The following PSMD14 variants were observed in gnomAD, a reference collection of about 807,000 sequenced individuals.
PSMD14 encodes ubiquitin C-terminal hydrolase PSMD14.
Under a neutral mutation model 41.2 loss-of-function variants are expected in PSMD14, and 7 were observed. That is an observed-to-expected ratio of 0.17 (90% CI 0.10 to 0.32). PSMD14 has a LOEUF of 0.32. Ranked by LOEUF, PSMD14 falls within the 10% of genes least tolerant of loss-of-function variation. The pLI, the probability that PSMD14 is intolerant of heterozygous loss-of-function variation, is 1.00. For synonymous variants in PSMD14, 114 were observed against 122.3 expected, an observed-to-expected ratio of 0.93 and a Z score of 0.45; for missense variants, 139 against 375.6, an observed-to-expected ratio of 0.37 and a Z score of 5.21.
At chr2:161,375,304 A>G (rs1683488646) in intron 7 of PSMD14, among the ~76,000 whole-genome samples, 1 of 152,080 alleles carries the variant, frequency 6.6e-6, no homozygotes, top group Non-Finnish European at 1.5e-5. Flanking sequence ...GCATACTGAT[A>G]CAAAATATAC....
chr2:161,393,630 C>G (rs970248466), intron 9 of PSMD14, among the ~76,000 whole-genome samples: 1 of 152,162 alleles, frequency 6.6e-6, no homozygotes, highest in Non-Finnish European at 1.5e-5. Context: ...TCTTCAGATT[C>G]TTATGGCTCA....
At chr2:161,376,176 G>T (rs896993515) in intron 7 of PSMD14, among the ~76,000 whole-genome samples, 15 of 150,334 alleles carry the variant, frequency 1.0e-4, no homozygotes, top group Admixed American at 3.3e-4. Flanking sequence ...CAGACTTAGG[G>T]GTCAGGCCTG....
At chr2:161,408,019 A>C (rs1235452857) in intron 10 of PSMD14, 1 of 152,102 alleles carries the variant, frequency 6.6e-6, no homozygotes, top group East Asian at 1.9e-4. Flanking sequence ...AGTGGTAGCC[A>C]ATCTAAATGT....
intron 3 of PSMD14, among the ~76,000 whole-genome samples, chr2:161,351,908 A>G (rs1404837857): frequency 2.0e-5 from 3 of 152,208 alleles, no homozygotes; most frequent in Non-Finnish European, 2.9e-5. Context: ...AGGGAAGTGC[A>G]GTCGTACTAT....
rs887435267 is a variant in PSMD14, at chr2:161,308,508, G to T, written c.-234G>T. ...GCCGGTTTGCAGACAGAGCCGCGTC[G>T]GGTGTGCGCCGCTGCTGCTGTTGCC... is the stretch of plus-strand genomic sequence containing the variant. On this transcript the variant is annotated 5_prime_UTR_variant, in exon 1 of 12. Coordinates refer to ENST00000409682, the MANE Select transcript of PSMD14 (RefSeq NM_005805.6). 1 of 152,436 alleles carries T rather than the reference G, an allele frequency of 6.6e-6. No individual in the cohort carries two copies. The highest frequency in any genetic ancestry group is 3.4e-3 in the Middle Eastern group (1 of 298). 9.4% of individuals were successfully genotyped at this position (152,436 alleles called of 1,614,324 possible). A position where few individuals can be genotyped will look rare whatever the true frequency, so the allele number is the denominator to read the frequency against.
rs577501014 is a variant in PSMD14 at position 161,383,555 on chromosome 2, T to G, written c.463-1909T>G. The G allele has an allele frequency of 4.0e-5, 6 of 151,738 alleles. No homozygotes were observed. In the East Asian group the frequency reaches 1.2e-3, roughly 29 times the overall value. 9.4% of individuals were successfully genotyped at this position (151,738 alleles called of 1,614,324 possible). Reference sequence around the variant, plus strand: ...AATATTTCAGAGAAATAATATAGACTTCTACAAGTAAAATAGCTGTCTGCT... The same window carrying G: ...AATATTTCAGAGAAATAATATAGACGTCTACAAGTAAAATAGCTGTCTGCT... On this transcript the variant is annotated intron_variant, in intron 7 of 11. Coordinates refer to ENST00000409682, the MANE Select transcript of PSMD14 (RefSeq NM_005805.6).
chr2:161,335,489 G>T (rs1367548112), intron 3 of PSMD14, among the ~76,000 whole-genome samples: 5 of 152,210 alleles, frequency 3.3e-5, no homozygotes, highest in Admixed American at 6.5e-5. Context: ...ATTGGACAGT[G>T]CAGTGTACAC....
intron 8 of PSMD14, among the ~76,000 whole-genome samples, 170 bp downstream of exon 8, chr2:161,385,741 A>T (rs1683626992): frequency 6.6e-6 from 1 of 151,768 alleles, no homozygotes. Flanking sequence ...ATTTGCTCAT[A>T]TGTGAGTCAG....
At chr2:161,317,484 C>T (rs775418766) in intron 2 of PSMD14, among the ~76,000 whole-genome samples, 17 of 152,222 alleles carry the variant, frequency 1.1e-4, no homozygotes, top group Admixed American at 3.9e-4. Flanking sequence ...GGAAGCGGGG[C>T]TTGGGTGGCG....
At chr2:161,309,720 T>C (rs1285122154) in intron 1 of PSMD14, among the ~76,000 whole-genome samples, 1 of 152,238 alleles carries the variant, frequency 6.6e-6, no homozygotes, top group Admixed American at 6.5e-5. Context: ...CTAAATGTTG[T>C]CTTGAATTTG....
At chr2:161,367,700 A>G in intron 4 of PSMD14, 84 bp from the exon 5 acceptor site, 2 of 1,517,786 alleles carry the variant, frequency 1.3e-6, no homozygotes, top group Non-Finnish European at 1.8e-6. Flanking sequence ...TTTCACTGGA[A>G]CAAAATTTGG....
chr2:161,353,978 A>C (rs1322724426), intron 3 of PSMD14, among the ~76,000 whole-genome samples: 2 of 152,068 alleles, frequency 1.3e-5, no homozygotes, highest in African/African-American at 4.8e-5. Context: ...TTATTTTTAC[A>C]TGTTTTGTGA....
chr2:161,326,755 A>G (rs929702454), intron 3 of PSMD14, among the ~76,000 whole-genome samples: 6 of 152,208 alleles, frequency 3.9e-5, no homozygotes, highest in Non-Finnish European at 8.8e-5. Context: ...ACCAAAATCT[A>G]TGGCTGCTCA....
intron 6 of PSMD14, 67 bp downstream of exon 6, chr2:161,370,244 A>G (rs1683414204): frequency 2.5e-6 from 3 of 1,192,602 alleles, no homozygotes; most frequent in Non-Finnish European, 3.5e-6. Context: ...CCTCAAAGTT[A>G]TAGATGTTTA....
At chr2:161,329,861 G>C (rs913207809) in intron 3 of PSMD14, among the ~76,000 whole-genome samples, 1 of 152,142 alleles carries the variant, frequency 6.6e-6, no homozygotes, top group African/African-American at 2.4e-5. Context: ...CGTCATTGTA[G>C]TGTGATTATT....
intron 9 of PSMD14, among the ~76,000 whole-genome samples, chr2:161,393,306 T>C (rs1683740460): frequency 6.6e-6 from 1 of 152,172 alleles, no homozygotes; most frequent in African/African-American, 2.4e-5. Context: ...CCCAAACATG[T>C]ATTTTCTAGA....
rs116988788 is a variant in PSMD14 at position 161,337,463 on chromosome 2, G to C, written c.48+18590G>C. ...GTGGTATGATTAGCACCATTCACAA[G>C]GGAAAATGGGTCATAGCTTTAAGTG... On this transcript the variant is annotated intron_variant, in intron 3 of 11. Coordinates refer to ENST00000409682, the MANE Select transcript of PSMD14 (RefSeq NM_005805.6). 6.6e-5 allele frequency among the ~76,000 whole-genome samples: 10 copies of C among 152,286 alleles called. No homozygotes were observed. In the East Asian group the frequency reaches 1.7e-3, roughly 26 times the overall value.
chr2:161,350,395 A>G (rs375787400), intron 3 of PSMD14, among the ~76,000 whole-genome samples: 7 of 152,356 alleles, frequency 4.6e-5, no homozygotes, highest in East Asian at 1.9e-4. Context: ...GAACTTCAGT[A>G]ATTTATACCA....
At chr2:161,313,062 G>A (rs1457092944) in intron 1 of PSMD14, among the ~76,000 whole-genome samples, 2 of 151,906 alleles carry the variant, frequency 1.3e-5, no homozygotes, top group African/African-American at 4.8e-5. Flanking sequence ...TAATCTAAAC[G>A]GCTCTGTGAG....
Sources: gnomAD v4.1 joint callset for allele counts (sites outside exome capture counted in the v4.1 genomes callset) on GRCh38, gnomAD v4.1.1 for gene constraint, MANE v1.5 for transcripts, NCBI Gene and HGNC (gene_info 2026-07-23, HGNC 2026-07-21) for gene names.